The following MAP2K5 variants were observed in gnomAD, a reference collection of about 807,000 sequenced individuals.
MAP2K5 encodes mitogen-activated protein kinase kinase 5, also known as dual specificity mitogen-activated protein kinase kinase 5.
In MAP2K5, 49 loss-of-function variants were observed where a neutral mutation model predicts 83.1. That is an observed-to-expected ratio of 0.59 (90% CI 0.47 to 0.75). MAP2K5 has a LOEUF of 0.75. Ranked by LOEUF, MAP2K5 falls within the 30% of genes least tolerant of loss-of-function variation. MAP2K5 has a pLI of 0.00. For synonymous variants in MAP2K5, 202 were observed against 191.8 expected, an observed-to-expected ratio of 1.05 and a Z score of -0.44; for missense variants, 457 against 557.5, an observed-to-expected ratio of 0.82 and a Z score of 1.82.
chr15:67,586,862 G>T lies in MAP2K5; in HGVS notation c.380G>T (p.Gly127Val), dbSNP rs776595115. Residue 127 changes from glycine (G) to valine (V), a missense_variant, in exon 6 of 22, where the codon GGA becomes GTA. By Grantham distance (109) the Gly-to-Val change is moderately radical (BLOSUM62 -3). Around this residue, in one of 3 missense-constraint regions of MAP2K5, gnomAD observed 234 missense variants for 243.6 expected, o/e 0.96. Transcript: ENST00000178640. ...TACTTATAGGTGAATACTCGGGCCG[G>T]ACCCTCTCAACACAGCAGCCCAGCA... Reference protein sequence around the residue: ...IHGLKVNTRAGPSQHSSPAVS... With the variant: ...IHGLKVNTRAVPSQHSSPAVS... 6.8e-6 allele frequency: 11 copies of T among 1,614,116 alleles called. No individual in the cohort carries two copies. The South Asian group carries it at 1.1e-4, about 16-fold the overall frequency.
intron 11 of MAP2K5, among the ~76,000 whole-genome samples, chr15:67,650,836 G>A (rs1419251687): frequency 6.6e-6 from 1 of 152,054 alleles, no homozygotes; most frequent in Non-Finnish European, 1.5e-5. Context: ...GATAATTCTG[G>A]CCTTATAGAA....
intron 19 of MAP2K5, among the ~76,000 whole-genome samples, chr15:67,762,545 TAA>T (rs1224628662): frequency 2.4e-5 from 3 of 125,524 alleles, no homozygotes; most frequent in Non-Finnish European, 5.0e-5. Context: ...TAAGTAAATA[TAA>T]GTCTTTTAAA....
intron 5 of MAP2K5, 71 bp downstream of exon 5, chr15:67,586,001 T>C (rs1376677648): frequency 6.4e-6 from 9 of 1,404,586 alleles, no homozygotes; most frequent in Non-Finnish European, 8.1e-6. Context: ...TATTGAAATG[T>C]CAAATAAAAC....
chr15:67,703,873 T>C (rs1596823010), intron 16 of MAP2K5, among the ~76,000 whole-genome samples: 1 of 152,164 alleles, frequency 6.6e-6, no homozygotes, highest in East Asian at 1.9e-4. Flanking sequence ...ATATATAAGT[T>C]ATATATGTTT....
chr15:67,763,714 CA>C (rs2089993833), intron 19 of MAP2K5, among the ~76,000 whole-genome samples: 1 of 151,796 alleles, frequency 6.6e-6, no homozygotes, highest in Non-Finnish European at 1.5e-5. Context: ...TGGGTTCTGC[CA>C]GTTGTGTCAT....
intron 13 of MAP2K5, among the ~76,000 whole-genome samples, chr15:67,664,975 C>T (rs1466502689): frequency 6.6e-6 from 1 of 152,098 alleles, no homozygotes; most frequent in East Asian, 1.9e-4. Flanking sequence ...TACATCCTTC[C>T]TTCTATTAAC....
At chr15:67,550,968 TGCCATGTTG>T (rs1410883682) in intron 2 of MAP2K5, among the ~76,000 whole-genome samples, 2 of 152,020 alleles carry the variant, frequency 1.3e-5, no homozygotes, top group African/African-American at 4.8e-5. Context: ...GACAGGGTTT[TGCCATGTTG>T]GCCAGGCTGG....
intron 9 of MAP2K5, among the ~76,000 whole-genome samples, chr15:67,635,266 C>T (rs917265789): frequency 6.6e-6 from 1 of 151,556 alleles, no homozygotes; most frequent in African/African-American, 2.4e-5. Flanking sequence ...GCTCCGCCTC[C>T]TGGGTTCACA....
intron 13 of MAP2K5, among the ~76,000 whole-genome samples, chr15:67,672,562 C>T (rs1468007641): frequency 6.7e-6 from 1 of 150,044 alleles, no homozygotes; most frequent in Admixed American, 6.7e-5. Flanking sequence ...TGGATATTAG[C>T]CCTTTGTCAG....
intron 6 of MAP2K5, among the ~76,000 whole-genome samples, chr15:67,590,321 C>A (rs890607321): frequency 6.6e-6 from 1 of 152,112 alleles, no homozygotes; most frequent in African/African-American, 2.4e-5. Context: ...TTAAAGGTGC[C>A]AAATGGAATA....
At chr15:67,776,043 A>G (rs2090232427) in intron 21 of MAP2K5, among the ~76,000 whole-genome samples, 1 of 152,180 alleles carries the variant, frequency 6.6e-6, no homozygotes, top group Non-Finnish European at 1.5e-5. Flanking sequence ...CTGTTCATGT[A>G]TAGGGAGGTC....
intron 8 of MAP2K5, among the ~76,000 whole-genome samples, chr15:67,624,589 T>TTGTGTGTGTG (rs71142388): frequency 2.8e-5 from 4 of 141,804 alleles, no homozygotes; most frequent in East Asian, 2.1e-4. Context: ...CACGATCTCT[T>TTGTGTGTGTG]TGTGTGTGTG....
intron 11 of MAP2K5, among the ~76,000 whole-genome samples, chr15:67,657,626 T>G (rs967387487): frequency 2.6e-5 from 4 of 151,942 alleles, no homozygotes; most frequent in African/African-American, 9.6e-5. Flanking sequence ...GTTTCCCAGT[T>G]TCTTGTTCCA....
rs141617893 is a variant in MAP2K5, at chr15:67,554,709, C to T, written c.184+4627C>T. Among the ~76,000 whole-genome samples the T allele has an allele frequency of 7.6e-4, 115 of 152,238 alleles. 4 individuals carry two copies. In the East Asian group the frequency reaches 0.018, roughly 24 times the overall value. ...TAACTTCCCTCATTACATTTTGAGT[C>T]ACTTAGTGATAGGTACGATGTTTTA... On this transcript the variant is annotated intron_variant, in intron 2 of 21. Transcript: ENST00000178640.
chr15:67,610,389 G>C (rs1423192391), intron 8 of MAP2K5, among the ~76,000 whole-genome samples: 1 of 152,134 alleles, frequency 6.6e-6, no homozygotes. Flanking sequence ...GGTTGTGCTA[G>C]CAGGGGTGGT....
chr15:67,776,865 C>G (rs980951853), intron 21 of MAP2K5, among the ~76,000 whole-genome samples: 4 of 152,158 alleles, frequency 2.6e-5, no homozygotes, highest in Admixed American at 1.3e-4. Flanking sequence ...AGCCAACTCC[C>G]CATCCCCTCT....
At chr15:67,798,420 C>T (rs930496335) in intron 21 of MAP2K5, among the ~76,000 whole-genome samples, 2 of 152,190 alleles carry the variant, frequency 1.3e-5, no homozygotes, top group South Asian at 2.1e-4. Flanking sequence ...TCATGAGTGT[C>T]GGCACCCCAA....
Position 67,764,414 on chromosome 15 carries a change from T to C in MAP2K5, c.1135-5188T>C, listed in dbSNP as rs1425429316. 6.6e-6 allele frequency among the ~76,000 whole-genome samples: 1 copy of C among 152,208 alleles called. No individual in the cohort carries two copies. Among genetic ancestry groups the C allele is most frequent in the Non-Finnish European group, 1.5e-5 (1 of 68,046 alleles). ...TTTACTTTATGCCCCATGACCCTCG[T>C]TTGTGAACTCGCGTCTGCCAGCCAA... On this transcript the variant is annotated intron_variant, in intron 19 of 21. Coordinates refer to ENST00000178640, the MANE Select transcript of MAP2K5 (RefSeq NM_145160.3). This position sits in a 1 kb window ranked among gnomAD's most constrained non-coding sequence, Gnocchi z 4.9.
chr15:67,733,995 G>A (rs748205166), intron 17 of MAP2K5, among the ~76,000 whole-genome samples: 3 of 152,196 alleles, frequency 2.0e-5, no homozygotes, highest in African/African-American at 4.8e-5. Flanking sequence ...AAGGAAATAC[G>A]TTTTGCAAAT....
Sources: gnomAD v4.1 joint callset for allele counts (sites outside exome capture counted in the v4.1 genomes callset) on GRCh38, gnomAD v4.1.1 for gene constraint, gnomAD v4.1.1 regional missense constraint, Gnocchi (gnomAD v3.1) non-coding constraint, MANE v1.5 for transcripts, NCBI Gene and HGNC (gene_info 2026-07-23, HGNC 2026-07-21) for gene names.